The following PDS5B variants were observed in gnomAD, a reference collection of about 807,000 sequenced individuals.
The protein encoded by PDS5B is PDS5 cohesin associated factor B.
Under a neutral mutation model 184.1 loss-of-function variants are expected in PDS5B, and 51 were observed. That is an observed-to-expected ratio of 0.28 (90% CI 0.22 to 0.35). The LOEUF (loss-of-function observed/expected upper bound fraction) is 0.35, where lower values mean the gene tolerates loss of function less well. PDS5B is among the 10% of genes least tolerant of loss of function. PDS5B has a pLI of 1.00. For missense variants in PDS5B, 1,180 were observed against 1,723.3 expected, an observed-to-expected ratio of 0.68 and a Z score of 5.58; for synonymous variants, 566 against 569.2, an observed-to-expected ratio of 0.99 and a Z score of 0.08.
At chr13:32,677,935 TG>T (rs1482978171) in intron 9 of PDS5B, among the ~76,000 whole-genome samples, 3 of 152,028 alleles carry the variant, frequency 2.0e-5, no homozygotes, top group African/African-American at 7.2e-5. Context: ...GGAACATCAG[TG>T]GTTGAGAGAC....
At chr13:32,761,342 T>C (rs1808133104) in intron 30 of PDS5B, among the ~76,000 whole-genome samples, 1 of 152,212 alleles carries the variant, frequency 6.6e-6, no homozygotes, top group Admixed American at 6.5e-5. Context: ...TTTTGCTTTT[T>C]TGTTTTTTTT....
chr13:32,695,225 A>G (rs1163696835), intron 14 of PDS5B, among the ~76,000 whole-genome samples: 1 of 151,944 alleles, frequency 6.6e-6, no homozygotes, highest in Non-Finnish European at 1.5e-5. Context: ...ATTGAAGCTC[A>G]CATTTGAGTA....
chr13:32,688,509 C>G lies in PDS5B; in HGVS notation c.1409C>G (p.Thr470Ser). The G allele has an allele frequency of 6.2e-7, 1 of 1,610,638 alleles. No homozygotes were observed. Among genetic ancestry groups the G allele is most frequent in the Non-Finnish European group, 8.5e-7 (1 of 1,177,172 alleles). Residue 470 changes from threonine (T) to serine (S), a missense_variant, in exon 13 of 35, where the codon ACT becomes AGT. Thr to Ser is a moderately conservative substitution (Grantham distance 58). Coordinates refer to ENST00000315596, the MANE Select transcript of PDS5B (RefSeq NM_015032.4). ...TACATGGTTCCTCACAATTTAGAAA[C>G]TACAGAACGGATGAAATGCTTATAT... Reference protein sequence around the residue: ...AQYMVPHNLETTERMKCLYYL... With the variant: ...AQYMVPHNLESTERMKCLYYL...
At chr13:32,619,150 T>C (rs1275856072) in intron 1 of PDS5B, among the ~76,000 whole-genome samples, 1 of 118,598 alleles carries the variant, frequency 8.4e-6, no homozygotes, top group East Asian at 2.5e-4. Flanking sequence ...AAAAATTTGG[T>C]GGTAAGGTCT....
At chr13:32,628,446 A>C (rs946853641) in intron 1 of PDS5B, among the ~76,000 whole-genome samples, 2 of 151,476 alleles carry the variant, frequency 1.3e-5, no homozygotes, top group African/African-American at 4.9e-5. Context: ...TACTTGGGAG[A>C]CTGAGGAAGG....
chr13:32,711,046 A>G (rs1395832832), intron 19 of PDS5B, among the ~76,000 whole-genome samples: 2 of 150,160 alleles, frequency 1.3e-5, no homozygotes, highest in African/African-American at 4.9e-5. Flanking sequence ...GCTGGAGTGT[A>G]GTGTGGTGTG....
At chr13:32,730,651 A>C (rs1358744900) in intron 19 of PDS5B, among the ~76,000 whole-genome samples, 1 of 152,072 alleles carries the variant, frequency 6.6e-6, no homozygotes, top group African/African-American at 2.4e-5. Context: ...CTTCTTGAAG[A>C]GGTCCTTCCC....
At chr13:32,664,036 CA>C (rs1950720537) in intron 6 of PDS5B, among the ~76,000 whole-genome samples, 1 of 152,182 alleles carries the variant, frequency 6.6e-6, no homozygotes, top group Non-Finnish European at 1.5e-5. Flanking sequence ...CAAGTTGCTG[CA>C]AAAGACATTA....
At chr13:32,633,959 C>T (rs1159717769) in intron 1 of PDS5B, among the ~76,000 whole-genome samples, 1 of 152,066 alleles carries the variant, frequency 6.6e-6, no homozygotes, top group Non-Finnish European at 1.5e-5. Flanking sequence ...TATGCAATGC[C>T]TCCTGGATTT....
At chr13:32,771,777 C>A (rs1225283342) in intron 33 of PDS5B, among the ~76,000 whole-genome samples, 3 of 151,882 alleles carry the variant, frequency 2.0e-5, no homozygotes, top group African/African-American at 7.3e-5. Flanking sequence ...CTTAAGGAAT[C>A]CTTTATTTAA....
chr13:32,750,436 A>T (rs1331171714), intron 24 of PDS5B, among the ~76,000 whole-genome samples: 1 of 152,152 alleles, frequency 6.6e-6, no homozygotes, highest in African/African-American at 2.4e-5. Context: ...TGGGACTGAT[A>T]CTGAGGGCGG....
chr13:32,671,324 T>G (rs1313355351), intron 7 of PDS5B, among the ~76,000 whole-genome samples: 1 of 152,168 alleles, frequency 6.6e-6, no homozygotes, highest in Non-Finnish European at 1.5e-5. Flanking sequence ...TTTCCCTTAA[T>G]TTTTCAAATA....
chr13:32,769,302 A>ATT (rs1954697821), intron 31 of PDS5B, among the ~76,000 whole-genome samples: 1 of 152,226 alleles, frequency 6.6e-6, no homozygotes, highest in African/African-American at 2.4e-5. Flanking sequence ...AGCTCAATTT[A>ATT]AAGTTAGAAA....
At chr13:32,671,050 T>C (rs1353514572) in intron 7 of PDS5B, among the ~76,000 whole-genome samples, 1 of 152,232 alleles carries the variant, frequency 6.6e-6, no homozygotes, top group Non-Finnish European at 1.5e-5. Flanking sequence ...TAATCAAATC[T>C]AAATCTACCT....
intron 19 of PDS5B, among the ~76,000 whole-genome samples, chr13:32,725,975 C>A (rs534970558): frequency 6.6e-6 from 1 of 151,588 alleles, no homozygotes; most frequent in East Asian, 1.9e-4. Flanking sequence ...GGATACATAC[C>A]CTTGTTCATT....
At chr13:32,712,601 C>T (rs1952242967) in intron 19 of PDS5B, among the ~76,000 whole-genome samples, 1 of 152,148 alleles carries the variant, frequency 6.6e-6, no homozygotes, top group African/African-American at 2.4e-5. Context: ...GAATTGGCAC[C>T]AGATGTGCCC....
At chr13:32,605,367 T>C (rs1391753158) in intron 1 of PDS5B, among the ~76,000 whole-genome samples, 5 of 152,204 alleles carry the variant, frequency 3.3e-5, no homozygotes, top group African/African-American at 1.2e-4. Flanking sequence ...TCAGTTTCCA[T>C]GTAGTTGAGT....
At chr13:32,684,941 G>A (rs1433793381) in intron 11 of PDS5B, among the ~76,000 whole-genome samples, 2 of 152,078 alleles carry the variant, frequency 1.3e-5, no homozygotes, top group Non-Finnish European at 1.5e-5. Flanking sequence ...GCGAAATCCC[G>A]TCTCTACTAA....
chr13:32,588,170 G>A (rs1030579826), intron 1 of PDS5B, among the ~76,000 whole-genome samples: 2 of 152,210 alleles, frequency 1.3e-5, no homozygotes, highest in African/African-American at 2.4e-5. Context: ...ACAATAAAAT[G>A]AGTATTCAAT....
Sources: allele counts gnomAD v4.1 joint callset (sites outside exome capture counted in the v4.1 genomes callset), GRCh38; gene constraint gnomAD v4.1.1; transcripts MANE v1.5; gene names NCBI Gene and HGNC (gene_info 2026-07-23, HGNC 2026-07-21).